Variants in ANKRD36C observed in about 807,000 individuals in gnomAD.
ANKRD36C encodes the protein ankyrin repeat domain-containing protein 36C.
ANKRD36C carries 61 observed loss-of-function variants against 276.4 expected under a neutral mutation model. The ratio of observed to expected loss-of-function variants is 0.22; its 90% confidence interval spans 0.18 to 0.27. ANKRD36C has a LOEUF of 0.27. Among genes scored for constraint, ANKRD36C ranks in the 10% least tolerant of loss-of-function variants. The pLI is 1.00. For synonymous variants in ANKRD36C, 483 were observed against 680.1 expected, an observed-to-expected ratio of 0.71 and a Z score of 4.51; for missense variants, 1,447 against 2,032.3, an observed-to-expected ratio of 0.71 and a Z score of 5.54.
At chr2:95,919,079 C>T (rs1355611562) in intron 34 of ANKRD36C, among the ~76,000 whole-genome samples, 1 of 136,396 alleles carries the variant, frequency 7.3e-6, no homozygotes, top group African/African-American at 2.5e-5. Context: ...AGTAATGAGT[C>T]AGTGTGCTTT....
intron 62 of ANKRD36C, 72 bp from the exon 83 acceptor site, chr2:95,856,252 A>G: frequency 1.9e-6 from 3 of 1,584,088 alleles, no homozygotes; most frequent in Non-Finnish European, 2.6e-6. Context: ...CTGAAATTAA[A>G]TAATAACCCG....
chr2:95,851,542 G>A (rs62156868), intron 66 of ANKRD36C, 152 bp downstream of exon 86: 25 of 688,184 alleles, frequency 3.6e-5, no homozygotes, highest in East Asian at 1.9e-4. Flanking sequence ...GGTACCATCC[G>A]CAAGATATTT....
chr2:95,948,871 CAGGCATTATA>C (rs947317633), intron 16 of ANKRD36C, among the ~76,000 whole-genome samples: 1 of 152,118 alleles, frequency 6.6e-6, no homozygotes, highest in African/African-American at 2.4e-5. Flanking sequence ...CAATTAGTGA[CAGGCATTATA>C]ATGGCACAGC....
intron 59 of ANKRD36C, chr2:95,875,856 C>T (rs1675940378): frequency 9.9e-6 from 2 of 202,428 alleles, no homozygotes; most frequent in Admixed American, 5.4e-5. Context: ...TATTGAAATA[C>T]ATTAGGCAGT....
chr2:95,894,502 C>A (rs1004466745), intron 44 of ANKRD36C, among the ~76,000 whole-genome samples: 6 of 151,414 alleles, frequency 4.0e-5, no homozygotes, highest in African/African-American at 1.5e-4. Context: ...ATTCAGAAAT[C>A]ATTCCAATAT....
chr2:95,891,514 T>A, intron 46 of ANKRD36C, 151 bp downstream of exon 66: 2 of 1,135,646 alleles, frequency 1.8e-6, no homozygotes, highest in South Asian at 3.0e-5. Context: ...AGCAGCATCA[T>A]CATCACCCAA....
At chr2:95,944,459 G>A (rs374195685) in intron 19 of ANKRD36C, among the ~76,000 whole-genome samples, 168 bp downstream of exon 19, 17 of 152,098 alleles carry the variant, frequency 1.1e-4, no homozygotes, top group South Asian at 4.1e-4. Context: ...CCTTGTCATC[G>A]TTATAAAGAC....
intron 63 of ANKRD36C, 81 bp downstream of exon 83, chr2:95,855,185 C>G (rs2104244760): frequency 6.8e-7 from 1 of 1,465,148 alleles, no homozygotes; most frequent in South Asian, 1.3e-5. Context: ...TCAACTAGAT[C>G]CAACATTCAG....
chr2:95,986,656 T>G lies in ANKRD36C; in HGVS notation c.486+95A>C, dbSNP rs1679032577. ...AAAATATTTTCATTCAAGGAATGTTTGAGCTTCCAAATATGAAAAATTGAC... is the reference window on the plus strand; with the variant it reads ...AAAATATTTTCATTCAAGGAATGTTGGAGCTTCCAAATATGAAAAATTGAC... On this transcript the variant is annotated intron_variant, in intron 3 of 66. Coordinates refer to ENST00000456556, the Ensembl canonical transcript of ANKRD36C. 10 of 1,175,498 alleles carry G rather than the reference T, an allele frequency of 8.5e-6. No homozygotes were observed. In the East Asian group the frequency reaches 2.3e-4, roughly 27 times the overall value. 72.8% of individuals were successfully genotyped at this position (1,175,498 alleles called of 1,614,324 possible).
intron 6 of ANKRD36C, among the ~76,000 whole-genome samples, chr2:95,968,952 G>C (rs1281512616): frequency 6.6e-6 from 1 of 152,174 alleles, no homozygotes; most frequent in African/African-American, 2.4e-5. Flanking sequence ...AAAGTAACAT[G>C]CTTCCATGTC....
At chr2:95,973,636 C>A (rs1237962867) in intron 6 of ANKRD36C, among the ~76,000 whole-genome samples, 1 of 152,042 alleles carries the variant, frequency 6.6e-6, no homozygotes, top group Non-Finnish European at 1.5e-5. Flanking sequence ...TAGAACAGGT[C>A]GAAAAGTCAA....
At chr2:95,879,275 G>GA (rs1676022578) in intron 58 of ANKRD36C, among the ~76,000 whole-genome samples, 1 of 151,642 alleles carries the variant, frequency 6.6e-6, no homozygotes, top group Non-Finnish European at 1.5e-5. Context: ...GAGATGAAGA[G>GA]AAAAATCACC....
At chr2:95,866,720 C>G (rs1271459571) in intron 60 of ANKRD36C, among the ~76,000 whole-genome samples, 3 of 151,968 alleles carry the variant, frequency 2.0e-5, no homozygotes, top group South Asian at 4.2e-4. Flanking sequence ...CATTTAGCAG[C>G]TTTTAAAAAC....
At chr2:95,952,649 A>T (rs977140526) in intron 14 of ANKRD36C, among the ~76,000 whole-genome samples, 487 of 137,760 alleles carry the variant, frequency 3.5e-3, no homozygotes, top group South Asian at 6.6e-3. Flanking sequence ...ATTTTCTTCT[A>T]TATGACATAT....
At chr2:95,986,505 C>T (rs1375769703) in intron 3 of ANKRD36C, 1 of 462,170 alleles carries the variant, frequency 2.2e-6, no homozygotes, top group Non-Finnish European at 3.6e-6. Flanking sequence ...TCATGAATTC[C>T]AAATTTATTG....
At chr2:95,890,039 T>C (rs1482187886) in intron 46 of ANKRD36C, 45 bp from the exon 67 acceptor site, 2 of 1,588,814 alleles carry the variant, frequency 1.3e-6, no homozygotes, top group Non-Finnish European at 1.7e-6. Flanking sequence ...GTAAATATGA[T>C]AAAGTTATTC....
chr2:95,940,048 T>C (rs1299752557), intron 20 of ANKRD36C, among the ~76,000 whole-genome samples: 4 of 152,308 alleles, frequency 2.6e-5, no homozygotes, highest in Non-Finnish European at 4.4e-5. Flanking sequence ...ACATGGAGTC[T>C]TGCTCTGTTG....
chr2:95,851,719 T>C (rs1422439778), exon 66 of ANKRD36C: 2 of 1,522,508 alleles, frequency 1.3e-6, no homozygotes, highest in Non-Finnish European at 1.8e-6. Flanking sequence ...CAGGATTTTC[T>C]CAAACCGCTC....
Position 95,892,195 on chromosome 2 carries a change from A to C in ANKRD36C, c.2756-335T>G, listed in dbSNP as rs1558629591. 3.3e-5 allele frequency among the ~76,000 whole-genome samples: 5 copies of C among 151,670 alleles called. No individual in the cohort carries two copies. The South Asian group carries it at 1.0e-3, about 31-fold the overall frequency. ...AGGAGCAACTCATACACGTGAGAAT[A>C]AATGTCAAAGCAGGTGCTACATGAT... On this transcript the variant is annotated intron_variant, in intron 44 of 66. Coordinates refer to ENST00000456556, the Ensembl canonical transcript of ANKRD36C.
Sources: allele counts gnomAD v4.1 joint callset (sites outside exome capture counted in the v4.1 genomes callset), GRCh38; gene constraint gnomAD v4.1.1; transcripts MANE v1.5; gene names NCBI Gene and HGNC (gene_info 2026-07-23, HGNC 2026-07-21).